Variants in ANK2 observed in about 807,000 individuals in gnomAD.
The protein encoded by ANK2 is ankyrin 2, also known as ankyrin-2.
Under a neutral mutation model 360.5 loss-of-function variants are expected in ANK2, and 83 were observed. The observed-to-expected ratio is 0.23, with a 90% CI of 0.19 to 0.28. ANK2 has a LOEUF of 0.28. ANK2 is among the 10% of genes least tolerant of loss of function. The pLI is 1.00. For synonymous variants in ANK2, 1,740 were observed against 1,759.5 expected (o/e 0.99, Z 0.28); for missense variants, 4,201 against 4,795.7 (o/e 0.88, Z 3.66).
At position 113,382,677 on chromosome 4, in the gene ANK2, AT is replaced by A. The variant is rs2097191124; in HGVS notation, c.*1207del. The A allele has an allele frequency of 6.6e-6, 1 of 151,500 alleles. No individual in the cohort carries two copies. The highest frequency in any genetic ancestry group is 1.5e-5 in the Non-Finnish European group (1 of 67,896). 9.4% of individuals were successfully genotyped at this position (151,500 alleles called of 1,614,324 possible). ...TTTCTTCAGGTTTATATCTTCTCTA[AT>A]ACCTGCATGTGGCGTTTAAAAATCA... On this transcript the variant is annotated 3_prime_UTR_variant, in exon 46 of 46. Transcript: ENST00000357077.
At chr4:112,781,217 C>T in the ANK2 span, among the ~76,000 whole-genome samples, 2 of 152,212 alleles carry the variant, frequency 1.3e-5, no homozygotes, top group Admixed American at 1.3e-4. Context: ...GTCTCAAACT[C>T]TCAAACTCCT....
rs1484910728 is a variant in ANK2 at position 113,049,852 on chromosome 4, TATGTGTGTGC to T, written c.84+48_84+57del. 5 of 1,605,634 alleles carry T rather than the reference TATGTGTGTGC, an allele frequency of 3.1e-6. No individual in the cohort carries two copies. In the African/African-American group the frequency reaches 6.7e-5, roughly 21 times the overall value. On this transcript the variant is annotated intron_variant, in intron 1 of 45. Coordinates refer to ENST00000357077, the MANE Select transcript of ANK2 (RefSeq NM_001148.6). Reference sequence around the variant, plus strand: ...TTAGGAATGTCTGTGTATAAATATGTATGTGTGTGCATGTGTGAGTGTGTAATATCAGCAA... The same window carrying T: ...TTAGGAATGTCTGTGTATAAATATGTATGTGTGAGTGTGTAATATCAGCAA...
intron 2 of ANK2, among the ~76,000 whole-genome samples, chr4:113,188,740 A>T (rs1489910968): frequency 6.6e-6 from 1 of 152,214 alleles, no homozygotes; most frequent in Non-Finnish European, 1.5e-5. Context: ...TATTTAAATT[A>T]AGTCCTTCCT....
At chr4:113,212,773 A>G (rs959357176) in intron 4 of ANK2, among the ~76,000 whole-genome samples, 1 of 152,228 alleles carries the variant, frequency 6.6e-6, no homozygotes. Flanking sequence ...ATGCCTGGCA[A>G]TTCTAAGAGC....
At position 112,923,450 on chromosome 4, in the gene ANK2, T is replaced by C. The variant is rs920109447; in HGVS notation, c.21+18936T>C. 4.6e-5 allele frequency among the ~76,000 whole-genome samples: 7 copies of C among 151,948 alleles called. 1 individual carries two copies. In the South Asian group the frequency reaches 8.3e-4, roughly 18 times the overall value. ...TAAATGTTGCTGTATTTTTTTTTTTTAATGAGCACCTGTCTAATGAAATCC... is the reference window on the plus strand; with the variant it reads ...TAAATGTTGCTGTATTTTTTTTTTTCAATGAGCACCTGTCTAATGAAATCC... On this transcript the variant is annotated intron_variant, in intron 2 of 30. Coordinates refer to the ANK2 transcript ENST00000503271.
At chr4:112,968,462 C>A (rs2038193568) in intron 2 of ANK2, among the ~76,000 whole-genome samples, 2 of 152,206 alleles carry the variant, frequency 1.3e-5, no homozygotes, top group African/African-American at 4.8e-5. Flanking sequence ...TCATGGAACT[C>A]TGGGCCAGAT....
intron 29 of ANK2, 116 bp downstream of exon 29, chr4:113,333,324 G>C: frequency 2.3e-6 from 3 of 1,329,896 alleles, no homozygotes; most frequent in Non-Finnish European, 3.2e-6. Context: ...GTGTGTGTGT[G>C]TGTGTGTCCC....
chr4:112,999,138 C>T (rs893389162), intron 2 of ANK2, among the ~76,000 whole-genome samples: 1 of 152,080 alleles, frequency 6.6e-6, no homozygotes, highest in African/African-American at 2.4e-5. Flanking sequence ...CATTTCTTGT[C>T]ATTATTTCTC....
chr4:112,851,912 G>A (rs1422422623), intron 1 of ANK2, among the ~76,000 whole-genome samples: 1 of 152,130 alleles, frequency 6.6e-6, no homozygotes, highest in East Asian at 1.9e-4. Context: ...CTGAGCCACC[G>A]CACCTGGCCA....
In ANK2 at chr4:113,021,541, C is replaced by CACACACACACACACACATATAT. The variant is rs1489947974; in HGVS notation, c.21+117028_21+117029insCACACACACACACACATATATA. On this transcript the variant is annotated intron_variant, in intron 2 of 30. Transcript: ENST00000503271. ...ATACACACACACACCCACACACAAA[C>CACACACACACACACACATATAT]ATATATATATATATATATATATATA... 1.4e-3 allele frequency among the ~76,000 whole-genome samples: 136 copies of CACACACACACACACACATATAT among 95,628 alleles called. 7 individuals are homozygous for CACACACACACACACACATATAT. Among genetic ancestry groups the CACACACACACACACACATATAT allele is most frequent in the Middle Eastern group, 5.9e-3 (1 of 170 alleles). The allele number at this position is 95,628 out of a possible 152,430, so 62.7% of individuals were successfully genotyped here. A position where few individuals can be genotyped will look rare whatever the true frequency, so the allele number is the denominator to read the frequency against.
chr4:112,772,313 C>G, the ANK2 span, among the ~76,000 whole-genome samples: 2 of 152,234 alleles, frequency 1.3e-5, no homozygotes, highest in African/African-American at 4.8e-5. Context: ...CATCAGATCT[C>G]GTGAGACTTA....
chr4:112,728,365 T>C, the ANK2 span, among the ~76,000 whole-genome samples: 1 of 143,982 alleles, frequency 6.9e-6, no homozygotes, highest in Non-Finnish European at 1.5e-5. Context: ...TGGACAATTA[T>C]AGATCAACAA....
intron 2 of ANK2, among the ~76,000 whole-genome samples, chr4:113,182,633 T>G (rs1444568681): frequency 2.0e-5 from 3 of 152,162 alleles, no homozygotes; most frequent in African/African-American, 7.2e-5. Context: ...TATTTTCAGA[T>G]GGATGAAATG....
chr4:112,970,770 A>G (rs943427859), intron 2 of ANK2, among the ~76,000 whole-genome samples: 2 of 152,194 alleles, frequency 1.3e-5, no homozygotes, highest in Non-Finnish European at 2.9e-5. Flanking sequence ...CAAGGGATCT[A>G]GAACTTGTAG....
intron 1 of ANK2, among the ~76,000 whole-genome samples, chr4:113,120,316 C>T (rs1378430056): frequency 6.6e-6 from 1 of 152,004 alleles, no homozygotes; most frequent in African/African-American, 2.4e-5. Context: ...CTTATATTAG[C>T]AAGTAATTTC....
chr4:113,291,212 T>C (rs2067380807), intron 20 of ANK2, among the ~76,000 whole-genome samples: 1 of 152,226 alleles, frequency 6.6e-6, no homozygotes, highest in Admixed American at 6.5e-5. Context: ...CTAAATTCAA[T>C]GGATTTAATG....
At chr4:113,050,169 G>C (rs991527860) in intron 1 of ANK2, among the ~76,000 whole-genome samples, 2 of 149,262 alleles carry the variant, frequency 1.3e-5, no homozygotes, top group South Asian at 2.3e-4. Flanking sequence ...GTTAAGCAAC[G>C]TGGATTGTGA....
chr4:112,904,631 T>C, intron 2 of ANK2: 1 of 707,414 alleles, frequency 1.4e-6, no homozygotes, highest in South Asian at 2.0e-5. Flanking sequence ...GATTTAAAGA[T>C]GTTATAGCAT....
intron 1 of ANK2, among the ~76,000 whole-genome samples, chr4:112,828,751 T>G (rs2059011543): frequency 1.3e-5 from 2 of 152,166 alleles, no homozygotes; most frequent in Non-Finnish European, 1.5e-5. Context: ...ACCTCCAGAA[T>G]GGAGGTTTGC....
Sources: allele counts gnomAD v4.1 joint callset (sites outside exome capture counted in the v4.1 genomes callset), GRCh38; gene constraint gnomAD v4.1.1; transcripts MANE v1.5; gene names NCBI Gene and HGNC (gene_info 2026-07-23, HGNC 2026-07-21).